CRYL1: variants seen among roughly 807,000 people sequenced by gnomAD.
The protein encoded by CRYL1 is lambda-crystallin homolog.
Under a neutral mutation model 36.6 loss-of-function variants are expected in CRYL1, and 29 were observed. That is an observed-to-expected ratio of 0.79 (90% CI 0.59 to 1.08). CRYL1 has a LOEUF of 1.08. CRYL1 is among the 50% of genes least tolerant of loss of function. The pLI, the probability that CRYL1 is intolerant of heterozygous loss-of-function variation, is 0.00. For synonymous variants in CRYL1, 152 were observed against 151.5 expected (o/e 1.00, Z -0.02); for missense variants, 411 against 407.9 (o/e 1.01, Z -0.06).
At chr13:20,508,870 A>ACTG (rs2033857108) in intron 2 of CRYL1, among the ~76,000 whole-genome samples, 1 of 14,306 alleles carries the variant, frequency 7.0e-5, no homozygotes, top group African/African-American at 1.2e-4. Context: ...AAAAAAAAAA[A>ACTG]AAAAACAAAA....
intron 2 of CRYL1, among the ~76,000 whole-genome samples, chr13:20,510,010 C>T (rs917622366): frequency 6.6e-6 from 1 of 152,198 alleles, no homozygotes; most frequent in Non-Finnish European, 1.5e-5. Flanking sequence ...CTGACACCAC[C>T]ACATGCTGGT....
chr13:20,453,818 G>A (rs556590660), intron 3 of CRYL1, among the ~76,000 whole-genome samples: 5 of 152,084 alleles, frequency 3.3e-5, no homozygotes, highest in South Asian at 2.1e-4. Context: ...CGAAAGAGGG[G>A]ACATCACTGC....
chr13:20,450,310 A>T (rs2032542608), intron 3 of CRYL1, among the ~76,000 whole-genome samples: 1 of 152,200 alleles, frequency 6.6e-6, no homozygotes, highest in Admixed American at 6.5e-5. Context: ...TTGGATCATC[A>T]ACAAAGTCAA....
chr13:20,447,956 G>T (rs1356946671), intron 3 of CRYL1, among the ~76,000 whole-genome samples: 1 of 152,068 alleles, frequency 6.6e-6, no homozygotes, highest in African/African-American at 2.4e-5. Context: ...AAAAAAGCAG[G>T]AGAAAAACAA....
intron 3 of CRYL1, among the ~76,000 whole-genome samples, chr13:20,440,976 G>GC (rs1337823812): frequency 6.6e-6 from 1 of 152,146 alleles, no homozygotes; most frequent in African/African-American, 2.4e-5. Context: ...AGAGGACACC[G>GC]CCCTGCTGTG....
intron 3 of CRYL1, among the ~76,000 whole-genome samples, chr13:20,466,258 G>A (rs2032930339): frequency 6.6e-6 from 1 of 152,180 alleles, no homozygotes; most frequent in Admixed American, 6.5e-5. Flanking sequence ...AGGGGATTAG[G>A]AATTCTTAAA....
intron 2 of CRYL1, among the ~76,000 whole-genome samples, chr13:20,509,445 C>A (rs2033873652): frequency 6.6e-6 from 1 of 152,094 alleles, no homozygotes; most frequent in Non-Finnish European, 1.5e-5. Context: ...ATCTCAGGAT[C>A]CTTCATAAAA....
At chr13:20,467,597 G>A (rs1268077255) in intron 3 of CRYL1, among the ~76,000 whole-genome samples, 7 of 152,288 alleles carry the variant, frequency 4.6e-5, no homozygotes, top group East Asian at 1.9e-4. Context: ...CGAGGCAGGC[G>A]GATCGCCTGA....
At chr13:20,413,458 T>G in intron 5 of CRYL1, 71 bp from the exon 6 acceptor site, 1 of 947,596 alleles carries the variant, frequency 1.1e-6, no homozygotes, top group Non-Finnish European at 1.7e-6. Flanking sequence ...ACTTCCATCC[T>G]AACTTCTTTA....
intron 3 of CRYL1, among the ~76,000 whole-genome samples, chr13:20,483,310 G>C (rs117955501): frequency 0.031 from 4,647 of 152,162 alleles, 85 homozygotes; most frequent in Non-Finnish European, 0.044. Context: ...GTACAATTAA[G>C]ATACAGCAAG....
At chr13:20,421,257 A>G (rs1289000874) in intron 5 of CRYL1, among the ~76,000 whole-genome samples, 1 of 152,206 alleles carries the variant, frequency 6.6e-6, no homozygotes, top group Non-Finnish European at 1.5e-5. Flanking sequence ...CGACTTTTAC[A>G]ACAAATACAA....
intron 6 of CRYL1, among the ~76,000 whole-genome samples, chr13:20,412,103 G>A (rs1333220129): frequency 6.6e-5 from 10 of 152,048 alleles, no homozygotes; most frequent in African/African-American, 2.2e-4. Context: ...ACCTCCCACA[G>A]GCAGGCAACC....
chr13:20,444,499 G>T (rs1368480055), intron 3 of CRYL1, among the ~76,000 whole-genome samples: 1 of 152,172 alleles, frequency 6.6e-6, no homozygotes, highest in Admixed American at 6.5e-5. Flanking sequence ...CCCAGAGGGG[G>T]CCACCGTGGC....
intron 3 of CRYL1, among the ~76,000 whole-genome samples, chr13:20,446,092 G>T (rs2032446836): frequency 6.6e-6 from 1 of 152,124 alleles, no homozygotes; most frequent in South Asian, 2.1e-4. Context: ...GTTTTCAGTA[G>T]ATTTTTTTTA....
At position 20,508,643 on chromosome 13, in the gene CRYL1, G is replaced by A. The variant is rs190634812; in HGVS notation, c.149+3800C>T. Among the ~76,000 whole-genome samples the A allele has an allele frequency of 3.5e-3, 538 of 151,638 alleles. 2 individuals carry two copies. The highest frequency in any genetic ancestry group is 0.02 in the East Asian group (104 of 5,114). ...GGGTGGATCACGAGGTCAGGAGATCGAGACCATCCTGGCTAACACAGTGAA... is the reference window on the plus strand; with the variant it reads ...GGGTGGATCACGAGGTCAGGAGATCAAGACCATCCTGGCTAACACAGTGAA... On this transcript the variant is annotated intron_variant, in intron 2 of 7. Coordinates refer to ENST00000298248, the MANE Select transcript of CRYL1 (RefSeq NM_015974.3).
chr13:20,405,692 T>G (rs1484952672), intron 6 of CRYL1, among the ~76,000 whole-genome samples: 1 of 152,138 alleles, frequency 6.6e-6, no homozygotes, highest in Non-Finnish European at 1.5e-5. Context: ...TCCCCAGCCT[T>G]GGAGAGCCAT....
rs186033500 is a variant in CRYL1 at position 20,449,218 on chromosome 13, C to G, written c.277-9464G>C. Among the ~76,000 whole-genome samples, 34 of 152,242 alleles carry G rather than the reference C, an allele frequency of 2.2e-4. No homozygotes were observed. The East Asian group carries it at 6.4e-3, about 29-fold the overall frequency. On this transcript the variant is annotated intron_variant, in intron 3 of 7. Coordinates refer to ENST00000298248, the MANE Select transcript of CRYL1 (RefSeq NM_015974.3). ...AAATGTTTTCCTGTTTTCAATTGCT[C>G]TAAAACATACCAAAATACTCAAAGC...
chr13:20,458,625 C>T (rs2032737096), intron 3 of CRYL1, among the ~76,000 whole-genome samples: 1 of 152,160 alleles, frequency 6.6e-6, no homozygotes, highest in South Asian at 2.1e-4. Context: ...ATATTTTATA[C>T]GCTTTTTAAA....
intron 3 of CRYL1, among the ~76,000 whole-genome samples, chr13:20,457,945 G>A (rs559618326): frequency 2.6e-5 from 4 of 152,236 alleles, no homozygotes; most frequent in African/African-American, 9.6e-5. Context: ...AGGTGACCCC[G>A]GCAGAGCCTC....
Sources: gnomAD v4.1 joint callset for allele counts (sites outside exome capture counted in the v4.1 genomes callset) on GRCh38, gnomAD v4.1.1 for gene constraint, MANE v1.5 for transcripts, NCBI Gene and HGNC (gene_info 2026-07-23, HGNC 2026-07-21) for gene names.